DYNC1I1: variants seen among roughly 807,000 people sequenced by gnomAD.
DYNC1I1 encodes dynein cytoplasmic 1 intermediate chain 1, also known as cytoplasmic dynein 1 intermediate chain 1.
In DYNC1I1, 43 loss-of-function variants were observed where a neutral mutation model predicts 86.6. The observed-to-expected ratio is 0.50, with a 90% CI of 0.39 to 0.64. The LOEUF is 0.64. Ranked by LOEUF, DYNC1I1 falls within the 30% of genes least tolerant of loss-of-function variation. The pLI is 0.00. For missense variants in DYNC1I1, 604 were observed against 788.8 expected (o/e 0.77, Z 2.81); for synonymous variants, 262 against 283.7 (o/e 0.92, Z 0.77).
intron 14 of DYNC1I1, among the ~76,000 whole-genome samples, chr7:96,052,961 C>T (rs938081555): frequency 6.6e-6 from 1 of 152,122 alleles, no homozygotes; most frequent in African/African-American, 2.4e-5. Context: ...AGTGTAATGT[C>T]CTACCTCTGA....
Position 95,805,607 on chromosome 7 carries a change from G to C in DYNC1I1, c.108+770G>C, listed in dbSNP as rs547579823. On this transcript the variant is annotated intron_variant, in intron 2 of 16. Transcript: ENST00000447467. ...TTCTATAAGCCCAATCCAATGCCTT[G>C]TTGTCATATCATGTTTTCTTCCACT... 6.6e-5 allele frequency among the ~76,000 whole-genome samples: 10 copies of C among 152,180 alleles called. No individual in the cohort carries two copies. The South Asian group carries it at 2.1e-3, about 32-fold the overall frequency.
intron 2 of DYNC1I1, among the ~76,000 whole-genome samples, chr7:95,810,062 G>A (rs959096919): frequency 2.0e-5 from 3 of 152,056 alleles, no homozygotes; most frequent in South Asian, 4.1e-4. Flanking sequence ...GGACAAGGAA[G>A]TCTAAAAAAA....
At chr7:95,939,762 C>G (rs1320180499) in intron 6 of DYNC1I1, among the ~76,000 whole-genome samples, 5 of 152,068 alleles carry the variant, frequency 3.3e-5, no homozygotes, top group Non-Finnish European at 5.9e-5. Context: ...ATTTGCCAGT[C>G]TGTTTCTTTT....
intron 1 of DYNC1I1, among the ~76,000 whole-genome samples, chr7:95,786,370 C>T (rs1308448667): frequency 6.6e-6 from 1 of 152,156 alleles, no homozygotes; most frequent in African/African-American, 2.4e-5. Flanking sequence ...TAGGAAGCCC[C>T]CTCTGTGCTC....
intron 16 of DYNC1I1, 29 bp downstream of exon 16, chr7:96,080,517 G>A (rs1364406604): frequency 6.2e-7 from 1 of 1,614,070 alleles, no homozygotes; most frequent in East Asian, 2.2e-5. Flanking sequence ...TGTTGTTACT[G>A]TTTTGACTTG....
intron 6 of DYNC1I1, among the ~76,000 whole-genome samples, chr7:95,943,821 A>G (rs1398091561): frequency 2.0e-5 from 3 of 151,612 alleles, no homozygotes; most frequent in Non-Finnish European, 4.4e-5. Flanking sequence ...GGCTAGCCAT[A>G]TGTAGAAAGC....
At chr7:95,937,912 A>G (rs1450203519) in intron 6 of DYNC1I1, among the ~76,000 whole-genome samples, 1 of 152,088 alleles carries the variant, frequency 6.6e-6, no homozygotes, top group Non-Finnish European at 1.5e-5. Context: ...TGTATAATAT[A>G]TACTTATATA....
intron 4 of DYNC1I1, among the ~76,000 whole-genome samples, chr7:95,816,716 G>A (rs1562905129): frequency 2.0e-5 from 3 of 152,116 alleles, no homozygotes; most frequent in African/African-American, 7.2e-5. Context: ...CTATGCTATG[G>A]TTAATTAGTA....
intron 6 of DYNC1I1, among the ~76,000 whole-genome samples, chr7:95,908,164 T>A (rs1791225598): frequency 6.6e-6 from 1 of 152,194 alleles, no homozygotes; most frequent in African/African-American, 2.4e-5. Flanking sequence ...AGATGGAGAC[T>A]ACCCGTGCAA....
At chr7:95,900,577 A>T (rs184639642) in intron 6 of DYNC1I1, among the ~76,000 whole-genome samples, 134 of 152,272 alleles carry the variant, frequency 8.8e-4, no homozygotes, top group African/African-American at 3.0e-3. Context: ...TCCATGTGGA[A>T]AATGGTTGCC....
intron 5 of DYNC1I1, among the ~76,000 whole-genome samples, chr7:95,852,760 C>T (rs983050614): frequency 2.0e-5 from 3 of 152,164 alleles, no homozygotes; most frequent in East Asian, 1.9e-4. Flanking sequence ...CCTGCCTTGG[C>T]CTCCTGAAGT....
intron 1 of DYNC1I1, among the ~76,000 whole-genome samples, chr7:95,784,214 T>C (rs867238464): frequency 6.6e-6 from 1 of 152,132 alleles, no homozygotes. Context: ...ATCTGGTAAT[T>C]CAGGTCTATC....
intron 1 of DYNC1I1, among the ~76,000 whole-genome samples, chr7:95,800,246 TG>T (rs1211037443): frequency 6.6e-6 from 1 of 151,838 alleles, no homozygotes; most frequent in African/African-American, 2.4e-5. Flanking sequence ...TCTAGGGATT[TG>T]TGTATGGAGT....
chr7:95,863,713 A>T (rs570124373), intron 5 of DYNC1I1, among the ~76,000 whole-genome samples: 1 of 152,118 alleles, frequency 6.6e-6, no homozygotes, highest in Non-Finnish European at 1.5e-5. Context: ...CCTTCATCAC[A>T]TGTAGGCACA....
At chr7:95,942,838 A>C (rs545175692) in intron 6 of DYNC1I1, among the ~76,000 whole-genome samples, 10,323 of 142,512 alleles carry the variant, frequency 0.072, 621 homozygotes, top group African/African-American at 0.19. Flanking sequence ...CATGCTAAAA[A>C]CTCTCAATAA....
At chr7:95,993,242 C>G (rs1793774456) in intron 9 of DYNC1I1, among the ~76,000 whole-genome samples, 1 of 152,090 alleles carries the variant, frequency 6.6e-6, no homozygotes, top group African/African-American at 2.4e-5. Flanking sequence ...TATCTTTAGG[C>G]CTTATGATCT....
At chr7:95,882,246 A>G (rs1790473302) in intron 6 of DYNC1I1, among the ~76,000 whole-genome samples, 1 of 152,192 alleles carries the variant, frequency 6.6e-6, no homozygotes, top group South Asian at 2.1e-4. Flanking sequence ...TTATTTCAAT[A>G]ATAGGTATTG....
chr7:95,970,072 G>T (rs1360736351), intron 6 of DYNC1I1, among the ~76,000 whole-genome samples: 2 of 152,134 alleles, frequency 1.3e-5, no homozygotes, highest in African/African-American at 4.8e-5. Flanking sequence ...TATTGGGAGG[G>T]TGGCTCTCTC....
At chr7:96,103,301 CT>C (rs527882563), downstream of DYNC1I1, among the ~76,000 whole-genome samples, 1,464 of 152,258 alleles carry the variant, frequency 9.6e-3, 26 homozygotes, top group African/African-American at 0.033. Flanking sequence ...GAGGGAAAGG[CT>C]TTTTAATGGA....
Sources: allele counts gnomAD v4.1 joint callset (sites outside exome capture counted in the v4.1 genomes callset), GRCh38; gene constraint gnomAD v4.1.1; transcripts MANE v1.5; gene names NCBI Gene and HGNC (gene_info 2026-07-23, HGNC 2026-07-21).